Variants in RPH3A observed in about 807,000 individuals in gnomAD.
The protein encoded by RPH3A is rabphilin-3A.
Under a neutral mutation model 102.2 loss-of-function variants are expected in RPH3A, and 48 were observed. The ratio of observed to expected loss-of-function variants is 0.47; its 90% CI spans 0.37 to 0.60. The LOEUF (loss-of-function observed/expected upper bound fraction) is 0.60, where lower values mean the gene tolerates loss of function less well. RPH3A is among the 20% of genes least tolerant of loss of function. RPH3A has a pLI of 0.00. For missense variants in RPH3A, 781 were observed against 910.1 expected (o/e 0.86, Z 1.83); for synonymous variants, 310 against 324.3 (o/e 0.96, Z 0.47).
At chr12:112,722,748 T>C (rs1270318439) in intron 1 of RPH3A, among the ~76,000 whole-genome samples, 1 of 152,204 alleles carries the variant, frequency 6.6e-6, no homozygotes, top group Admixed American at 6.5e-5. Context: ...GTTGTCACCA[T>C]GAAGCAATCT....
intron 1 of RPH3A, among the ~76,000 whole-genome samples, chr12:112,666,674 T>G (rs930938957): frequency 6.6e-6 from 1 of 152,014 alleles, no homozygotes. Context: ...ATCAGAGAGC[T>G]TGGTGGGGAA....
At chr12:112,831,931 A>G (rs11829717) in intron 3 of RPH3A, 133,747 of 369,916 alleles carry the variant, frequency 0.36, 26,658 homozygotes, top group African/African-American at 0.63. Flanking sequence ...TACTTGGTGC[A>G]TGTTGTACTT....
intron 2 of RPH3A, among the ~76,000 whole-genome samples, chr12:112,825,114 A>C (rs1159756925): frequency 6.6e-6 from 1 of 152,180 alleles, no homozygotes; most frequent in Non-Finnish European, 1.5e-5. Context: ...GGCTCCAGGG[A>C]AGCCTGCTCA....
chr12:112,710,179 T>C (rs1592955898), intron 1 of RPH3A, among the ~76,000 whole-genome samples: 1 of 152,148 alleles, frequency 6.6e-6, no homozygotes, highest in African/African-American at 2.4e-5. Context: ...GGTTTCACCC[T>C]GTTAGCCAGG....
intron 1 of RPH3A, among the ~76,000 whole-genome samples, chr12:112,776,386 T>C (rs1025285907): frequency 1.3e-5 from 2 of 152,168 alleles, no homozygotes; most frequent in Non-Finnish European, 2.9e-5. Flanking sequence ...CATGCTGATC[T>C]GGGAGGAACT....
chr12:112,723,882 C>T (rs1221918171), intron 1 of RPH3A, among the ~76,000 whole-genome samples: 1 of 152,034 alleles, frequency 6.6e-6, no homozygotes, highest in Non-Finnish European at 1.5e-5. Flanking sequence ...TCTCAACTGC[C>T]AGTTGTGCCA....
chr12:112,598,700 C>T (rs2039535996), intron 1 of RPH3A, among the ~76,000 whole-genome samples: 1 of 152,182 alleles, frequency 6.6e-6, no homozygotes, highest in Admixed American at 6.5e-5. Context: ...CTCAGCACAG[C>T]ACCTGGCATG....
chr12:112,664,200 A>C (rs781455981), intron 1 of RPH3A, among the ~76,000 whole-genome samples: 3 of 152,192 alleles, frequency 2.0e-5, no homozygotes, highest in Non-Finnish European at 4.4e-5. Flanking sequence ...TGGCTTAAGC[A>C]TGGAGTACAT....
intron 1 of RPH3A, among the ~76,000 whole-genome samples, chr12:112,661,143 C>A (rs554163934): frequency 6.6e-6 from 1 of 152,116 alleles, no homozygotes; most frequent in Non-Finnish European, 1.5e-5. Context: ...GATACACTCT[C>A]GGGTCCCTGA....
At chr12:112,789,531 A>G (rs2041074730), upstream of RPH3A, among the ~76,000 whole-genome samples, 1 of 152,116 alleles carries the variant, frequency 6.6e-6, no homozygotes, top group Non-Finnish European at 1.5e-5. Context: ...AAGGAATTTT[A>G]TTTCTTGAGT....
chr12:112,874,493 T>C (rs2042761036), intron 10 of RPH3A, among the ~76,000 whole-genome samples: 1 of 152,194 alleles, frequency 6.6e-6, no homozygotes, highest in Admixed American at 6.5e-5. Context: ...TAAGTATGAA[T>C]TCATTATCAT....
chr12:112,735,786 C>T (rs536163463), intron 1 of RPH3A, among the ~76,000 whole-genome samples: 145 of 152,338 alleles, frequency 9.5e-4, no homozygotes, highest in African/African-American at 3.5e-3. Context: ...CTGACCTGCT[C>T]ATTGTCCACT....
chr12:112,876,253 G>A (rs774514853), intron 12 of RPH3A, among the ~76,000 whole-genome samples: 68 of 152,230 alleles, frequency 4.5e-4, no homozygotes, highest in East Asian at 1.9e-4. Flanking sequence ...CAGGCATCAG[G>A]CACTGTTTTA....
rs554943248 is a variant in RPH3A, at chr12:112,600,348, A to G, written c.-140+25029A>G. On this transcript the variant is annotated intron_variant, in intron 1 of 21. Coordinates refer to the RPH3A transcript ENST00000543106. ...ACTTAAAAATGGTTCATTATTACCG[A>G]TAACAACCATGACAATTTACTGAGA... Among the ~76,000 whole-genome samples, 6 of 152,286 alleles carry G rather than the reference A, an allele frequency of 3.9e-5. No homozygotes were observed. The South Asian group carries it at 1.0e-3, about 26-fold the overall frequency.
chr12:112,793,623 C>A (rs1257225633), intron 2 of RPH3A, among the ~76,000 whole-genome samples: 2 of 152,218 alleles, frequency 1.3e-5, no homozygotes, highest in East Asian at 3.8e-4. Flanking sequence ...GCTTCTCTTG[C>A]TGGGTGACCT....
intron 1 of RPH3A, among the ~76,000 whole-genome samples, chr12:112,651,396 C>CAAAA (rs933886287): frequency 2.0e-5 from 3 of 151,650 alleles, no homozygotes; most frequent in African/African-American, 7.3e-5. Flanking sequence ...AACAAACAAA[C>CAAAA]AAACAAACAA....
chr12:112,640,045 G>A (rs1176375159), intron 1 of RPH3A, among the ~76,000 whole-genome samples: 4 of 149,428 alleles, frequency 2.7e-5, no homozygotes, highest in Non-Finnish European at 4.5e-5. Flanking sequence ...GGCTGGCCAG[G>A]CATGGCAGCT....
chr12:112,851,314 T>A (rs1188054967), intron 5 of RPH3A, among the ~76,000 whole-genome samples: 1 of 152,182 alleles, frequency 6.6e-6, no homozygotes, highest in African/African-American at 2.4e-5. Context: ...GGAACTATGC[T>A]CTTAAATGTC....
intron 1 of RPH3A, among the ~76,000 whole-genome samples, chr12:112,756,222 T>C (rs1350535602): frequency 6.6e-6 from 1 of 152,034 alleles, no homozygotes; most frequent in African/African-American, 2.4e-5. Context: ...CATCACGCTT[T>C]TTTTTTTTGA....
Sources: gnomAD v4.1 joint callset for allele counts (sites outside exome capture counted in the v4.1 genomes callset) on GRCh38, gnomAD v4.1.1 for gene constraint, MANE v1.5 for transcripts, NCBI Gene and HGNC (gene_info 2026-07-23, HGNC 2026-07-21) for gene names.